Variants in KCTD16 observed in about 807,000 individuals in gnomAD.
KCTD16 encodes the protein potassium channel tetramerization domain containing 16, also known as BTB/POZ domain-containing protein KCTD16.
KCTD16 carries 13 observed loss-of-function variants against 33.2 expected under a neutral mutation model. The ratio of observed to expected loss-of-function variants is 0.39; its 90% CI spans 0.25 to 0.62. The LOEUF is 0.62. Ranked by LOEUF, KCTD16 falls within the 20% of genes least tolerant of loss-of-function variation. The pLI is 0.50. For missense variants in KCTD16, 441 were observed against 525.1 expected (o/e 0.84, Z 1.57); for synonymous variants, 197 against 195.3 (o/e 1.01, Z -0.07).
chr5:144,274,656 A>T (rs1755393652), intron 3 of KCTD16, among the ~76,000 whole-genome samples: 1 of 152,156 alleles, frequency 6.6e-6, no homozygotes, highest in Non-Finnish European at 1.5e-5. Context: ...AAATTCCAGT[A>T]GATAAGAAAA....
intron 3 of KCTD16, among the ~76,000 whole-genome samples, chr5:144,271,429 T>A (rs1349312471): frequency 2.0e-5 from 3 of 151,816 alleles, no homozygotes; most frequent in Non-Finnish European, 2.9e-5. Flanking sequence ...TGCAGAAAAA[T>A]TATTTGATAA....
chr5:144,435,372 A>G (rs1194128764), intron 3 of KCTD16, among the ~76,000 whole-genome samples: 1 of 152,076 alleles, frequency 6.6e-6, no homozygotes, highest in East Asian at 1.9e-4. Context: ...GTTTAAATCT[A>G]TCTACTATAT....
At chr5:144,472,976 A>T (rs1754511201) in intron 3 of KCTD16, among the ~76,000 whole-genome samples, 1 of 152,236 alleles carries the variant, frequency 6.6e-6, no homozygotes, top group East Asian at 1.9e-4. Context: ...CAAATTGTAC[A>T]AACTCTGGCA....
intron 3 of KCTD16, among the ~76,000 whole-genome samples, chr5:144,304,160 G>A (rs1751523727): frequency 6.6e-6 from 1 of 152,148 alleles, no homozygotes; most frequent in South Asian, 2.1e-4. Flanking sequence ...ATCATGTGAG[G>A]ATAAAAATTC....
intron 1 of KCTD16, among the ~76,000 whole-genome samples, chr5:144,173,618 A>G (rs1028770930): frequency 2.6e-5 from 4 of 152,208 alleles, no homozygotes; most frequent in African/African-American, 9.6e-5. Flanking sequence ...CCCTGAACTT[A>G]AAATTTAAAA....
intron 3 of KCTD16, among the ~76,000 whole-genome samples, chr5:144,454,854 T>C (rs1754025502): frequency 6.6e-6 from 1 of 152,120 alleles, no homozygotes; most frequent in Non-Finnish European, 1.5e-5. Context: ...AATAGGGTGA[T>C]AGAAATATAA....
At chr5:144,204,736 A>T (rs1753121054) in intron 2 of KCTD16, among the ~76,000 whole-genome samples, 1 of 152,118 alleles carries the variant, frequency 6.6e-6, no homozygotes, top group South Asian at 2.1e-4. Flanking sequence ...GAGCATCATT[A>T]ATTTCAGAGA....
intron 3 of KCTD16, among the ~76,000 whole-genome samples, chr5:144,391,251 C>A (rs1376638361): frequency 6.6e-6 from 1 of 152,208 alleles, no homozygotes; most frequent in Non-Finnish European, 1.5e-5. Context: ...TTGCAAAAGG[C>A]TTCTCAGAAA....
chr5:144,330,183 T>C (rs1040257861), intron 3 of KCTD16, among the ~76,000 whole-genome samples: 1 of 151,996 alleles, frequency 6.6e-6, no homozygotes, highest in African/African-American at 2.4e-5. Context: ...GAGGCCAAGG[T>C]GGGTGGATCA....
chr5:144,307,244 A>C (rs1350831682), intron 3 of KCTD16, among the ~76,000 whole-genome samples: 1 of 152,226 alleles, frequency 6.6e-6, no homozygotes, highest in Non-Finnish European at 1.5e-5. Flanking sequence ...AGAAACTGCT[A>C]AAACTTGCAA....
At chr5:144,222,045 G>T (rs1483149407) in intron 3 of KCTD16, among the ~76,000 whole-genome samples, 1 of 152,070 alleles carries the variant, frequency 6.6e-6, no homozygotes, top group Non-Finnish European at 1.5e-5. Flanking sequence ...TCATATGTTT[G>T]TTGACCGCAT....
intron 3 of KCTD16, among the ~76,000 whole-genome samples, chr5:144,402,130 C>T (rs1345422508): frequency 6.6e-6 from 1 of 152,156 alleles, no homozygotes; most frequent in African/African-American, 2.4e-5. Flanking sequence ...AACAGGTCAA[C>T]TTAGTGTACA....
chr5:144,310,796 G>C (rs769555508), intron 3 of KCTD16, among the ~76,000 whole-genome samples: 1 of 152,024 alleles, frequency 6.6e-6, no homozygotes, highest in Non-Finnish European at 1.5e-5. Context: ...TGGTGAGAAA[G>C]GAAAATTACC....
intron 3 of KCTD16, among the ~76,000 whole-genome samples, chr5:144,216,844 GAAAAA>G (rs374252586): frequency 8.2e-6 from 1 of 121,220 alleles, no homozygotes; most frequent in African/African-American, 3.2e-5. Flanking sequence ...ACTCTGTCTG[GAAAAA>G]AAAAAAAAAA....
intron 2 of KCTD16, among the ~76,000 whole-genome samples, chr5:144,187,291 A>C (rs1198980736): frequency 6.6e-6 from 1 of 152,168 alleles, no homozygotes; most frequent in Non-Finnish European, 1.5e-5. Context: ...ATGCATATTG[A>C]ATGCAAATTT....
intron 3 of KCTD16, among the ~76,000 whole-genome samples, chr5:144,231,077 G>T (rs1440454593): frequency 5.3e-5 from 8 of 152,166 alleles, no homozygotes; most frequent in Admixed American, 1.3e-4. Context: ...ATGGTGGAGA[G>T]ACTTGTAGAC....
At chr5:144,305,996 T>C (rs949424104) in intron 3 of KCTD16, among the ~76,000 whole-genome samples, 1 of 152,184 alleles carries the variant, frequency 6.6e-6, no homozygotes, top group Non-Finnish European at 1.5e-5. Flanking sequence ...TTTGTTATGG[T>C]AGCCCTAGAA....
chr5:144,360,922 A>G (rs1751697782), intron 3 of KCTD16, among the ~76,000 whole-genome samples: 1 of 150,844 alleles, frequency 6.6e-6, no homozygotes, highest in Admixed American at 6.6e-5. Flanking sequence ...TTATTATTAT[A>G]CTTTAAGTTT....
At chr5:144,453,276 A>G (rs1753987707) in intron 3 of KCTD16, among the ~76,000 whole-genome samples, 1 of 151,954 alleles carries the variant, frequency 6.6e-6, no homozygotes, top group Non-Finnish European at 1.5e-5. Flanking sequence ...GACATCCCCA[A>G]CAAGCCTGTA....
Sources: allele counts gnomAD v4.1 joint callset (sites outside exome capture counted in the v4.1 genomes callset), GRCh38; gene constraint gnomAD v4.1.1; transcripts MANE v1.5; gene names NCBI Gene and HGNC (gene_info 2026-07-23, HGNC 2026-07-21).